The following HEPH variants were observed in gnomAD, a reference collection of about 807,000 sequenced individuals.
The protein encoded by HEPH is hephaestin.
In HEPH, 69 loss-of-function variants were observed where a neutral mutation model predicts 80.8. That is an observed-to-expected ratio of 0.85 (90% CI 0.70 to 1.04). The LOEUF is 1.04. Ranked by LOEUF, HEPH falls within the 50% of genes least tolerant of loss-of-function variation. The probability of loss-of-function intolerance (pLI) is 0.00; values close to 1 mark genes in which losing one functional copy is unlikely to be tolerated. For missense variants in HEPH, 1,115 were observed against 891.3 expected (o/e 1.25, Z -3.20); for synonymous variants, 431 against 322.8 (o/e 1.34, Z -3.60).
intron 15 of HEPH, among the ~76,000 whole-genome samples, chrX:66,250,766 T>C (rs1423178084): frequency 1.8e-5 from 2 of 112,237 alleles, no homozygotes; most frequent in Non-Finnish European, 3.8e-5. Flanking sequence ...TTGTTATTGC[T>C]GAGTAGTATT....
chrX:66,238,058 G>A (rs995129549), intron 15 of HEPH, among the ~76,000 whole-genome samples: 4 of 111,627 alleles, frequency 3.6e-5, no homozygotes, highest in Non-Finnish European at 7.5e-5. Context: ...ACAGGGTCTT[G>A]GTTCCTTACG....
intron 15 of HEPH, among the ~76,000 whole-genome samples, chrX:66,210,187 G>C (rs1444691718): frequency 8.9e-6 from 1 of 112,067 alleles, no homozygotes; most frequent in African/African-American, 3.2e-5. Context: ...GAAAGGTCAT[G>C]TCAAGGATGA....
chrX:66,194,958 G>T, intron 8 of HEPH, 140 bp from the exon 9 acceptor site: 1 of 393,988 alleles, frequency 2.5e-6, no homozygotes, highest in African/African-American at 2.6e-5. Context: ...GAAAGGAATT[G>T]TTCTTATTAT....
chrX:66,165,936 T>A (rs964527454), intron 1 of HEPH, among the ~76,000 whole-genome samples: 1 of 111,194 alleles, frequency 9.0e-6, no homozygotes, highest in Non-Finnish European at 1.9e-5. Flanking sequence ...AGAAAAAAAA[T>A]ATCCTTGCCC....
At chrX:66,167,820 A>G (rs1258378211) in intron 1 of HEPH, among the ~76,000 whole-genome samples, 2 of 112,244 alleles carry the variant, frequency 1.8e-5, no homozygotes, top group Admixed American at 9.4e-5. Flanking sequence ...CCAGCTTTAT[A>G]TAGTCAATTA....
chrX:66,219,111 A>G (rs1248701752), intron 15 of HEPH, among the ~76,000 whole-genome samples: 1 of 112,224 alleles, frequency 8.9e-6, no homozygotes, highest in East Asian at 2.8e-4. Flanking sequence ...TGATTCATAT[A>G]GTACACTTGT....
chrX:66,201,293 A>G (rs2088439084), intron 12 of HEPH, among the ~76,000 whole-genome samples: 1 of 110,127 alleles, frequency 9.1e-6, no homozygotes, highest in Non-Finnish European at 1.9e-5. Flanking sequence ...AAATCAGAAC[A>G]CAGGAGCCCT....
intron 14 of HEPH, among the ~76,000 whole-genome samples, chrX:66,207,645 T>A (rs1363830330): frequency 9.0e-6 from 1 of 111,399 alleles, no homozygotes; most frequent in East Asian, 2.8e-4. Flanking sequence ...AAACTATATA[T>A]ATACACAAGG....
At position 66,179,426 on chromosome X, in the gene HEPH, C is replaced by T. The variant is rs188897960; in HGVS notation, c.625+5625C>T. On this transcript the variant is annotated intron_variant, in intron 4 of 20. Transcript: ENST00000343002. ...TTTGCTTAGGATTGACTTGGCAATG[C>T]GGGCTCTTTTTTGGTTCCTTATGAA... Among the ~76,000 whole-genome samples the T allele has an allele frequency of 5.5e-3, 619 of 111,620 alleles. 3 individuals carry two copies. The highest frequency in any genetic ancestry group is 9.7e-3 in the Non-Finnish European group (515 of 53,067).
chrX:66,221,013 C>T (rs778333771), intron 15 of HEPH, among the ~76,000 whole-genome samples: 1 of 111,932 alleles, frequency 8.9e-6, no homozygotes, highest in East Asian at 2.8e-4. Flanking sequence ...GAACAGTCCT[C>T]ATTCTGAGGA....
intron 13 of HEPH, among the ~76,000 whole-genome samples, chrX:66,205,605 T>A (rs1007748240): frequency 3.7e-5 from 4 of 108,963 alleles, no homozygotes; most frequent in African/African-American, 1.3e-4. Flanking sequence ...TCATGCTTTT[T>A]TTTTTTTTGA....
At position 66,229,029 on chromosome X, in the gene HEPH, G is replaced by T. The variant is rs578087301; in HGVS notation, c.2563+20783G>T. Among the ~76,000 whole-genome samples the T allele has an allele frequency of 2.7e-5, 3 of 112,106 alleles. No individual in the cohort carries two copies. In the East Asian group the frequency reaches 8.4e-4, roughly 31 times the overall value. ...TTTGATCCAGCAATTCCACTCCTGC[G>T]TATCTACCCAGTGAAAAGAAGTCAT... On this transcript the variant is annotated intron_variant, in intron 15 of 20. Transcript: ENST00000343002.
At chrX:66,201,766 C>T (rs1379737948) in intron 12 of HEPH, among the ~76,000 whole-genome samples, 1 of 112,102 alleles carries the variant, frequency 8.9e-6, no homozygotes, top group Non-Finnish European at 1.9e-5. Flanking sequence ...CTGGTCTCCT[C>T]AGAAATAGAA....
chrX:66,266,395 G>A (rs779306922), intron 20 of HEPH, 45 bp from the exon 21 acceptor site: 1 of 1,014,792 alleles, frequency 9.9e-7, no homozygotes. Flanking sequence ...ACCTTTTAGA[G>A]TACTCCCCAT....
intron 19 of HEPH, among the ~76,000 whole-genome samples, chrX:66,263,387 A>G (rs2091427759): frequency 1.8e-5 from 2 of 111,758 alleles, no homozygotes; most frequent in African/African-American, 6.5e-5. Context: ...GTGCCAAGAA[A>G]TATTTAAATA....
chrX:66,222,753 G>C (rs1346648121), intron 15 of HEPH, among the ~76,000 whole-genome samples: 1 of 111,321 alleles, frequency 9.0e-6, no homozygotes, highest in East Asian at 2.8e-4. Flanking sequence ...GAGTCAGGAG[G>C]GACAGAGGTA....
intron 15 of HEPH, among the ~76,000 whole-genome samples, chrX:66,239,337 A>G (rs2090481470): frequency 9.0e-6 from 1 of 110,885 alleles, no homozygotes; most frequent in African/African-American, 3.3e-5. Context: ...TCCCCCTTCA[A>G]CCCAGCTTTT....
At position 66,250,075 on chromosome X, in the gene HEPH, G is replaced by A. The variant is rs373622857; in HGVS notation, c.2564-4960G>A. On this transcript the variant is annotated intron_variant, in intron 15 of 20. Coordinates refer to ENST00000343002, the MANE Select transcript of HEPH (RefSeq NM_001367233.3). ...ATTAAAAAAGGTAGAGGAGAGTAGG[G>A]ATCTTCTCAAGGACATAGCACTTAT... 2.3e-4 allele frequency among the ~76,000 whole-genome samples: 26 copies of A among 111,079 alleles called. No individual in the cohort carries two copies. In the South Asian group the frequency reaches 9.6e-3, roughly 41 times the overall value.
chrX:66,198,651 T>C (rs2088246841), intron 10 of HEPH, among the ~76,000 whole-genome samples: 1 of 111,293 alleles, frequency 9.0e-6, no homozygotes, highest in South Asian at 3.8e-4. Flanking sequence ...CCCACTTTCA[T>C]ACAGTCTTCC....
Sources: gnomAD v4.1 joint callset for allele counts (sites outside exome capture counted in the v4.1 genomes callset) on GRCh38, gnomAD v4.1.1 for gene constraint, MANE v1.5 for transcripts, NCBI Gene and HGNC (gene_info 2026-07-23, HGNC 2026-07-21) for gene names.